PCDH15: variants seen among roughly 807,000 people sequenced by gnomAD.
PCDH15 encodes protocadherin related 15, also known as protocadherin-15.
Under a neutral mutation model 178.5 loss-of-function variants are expected in PCDH15, and 129 were observed. The ratio of observed to expected loss-of-function variants is 0.72; its 90% CI spans 0.63 to 0.84. PCDH15 has a LOEUF of 0.84. Ranked by LOEUF, PCDH15 falls within the 40% of genes least tolerant of loss-of-function variation. The probability of loss-of-function intolerance (pLI) is 0.00; values close to 1 mark genes in which losing one functional copy is unlikely to be tolerated. For missense variants in PCDH15, 2,230 were observed against 2,099.9 expected (o/e 1.06, Z -1.21); for synonymous variants, 800 against 732.0 (o/e 1.09, Z -1.50).
Position 54,090,008 on chromosome 10 carries a change from T to C in PCDH15, c.1973A>G (p.Gln658Arg), listed in dbSNP as rs536457955. The stretch of plus-strand genomic sequence containing the variant: ...CGTTTCTGAAAGATTAAAAACTCTC[T>C]GAGGATCTCCATTCTCAATGGCATA... Reference protein sequence around the residue: ...ITYAIENGDPQRVFNLSETTG... With the variant: ...ITYAIENGDPRRVFNLSETTG... The change falls in exon 16 of 38, where the codon CAG (glutamine) becomes CGG (arginine). Residue 658 changes from glutamine (Q) to arginine (R), a missense_variant. By Grantham distance (43) the Gln-to-Arg change is conservative. Transcript: ENST00000644397. 1.9e-6 allele frequency: 3 copies of C among 1,612,178 alleles called. No individual in the cohort carries two copies. The highest frequency in any genetic ancestry group is 3.3e-5 in the Admixed American group (2 of 59,956).
intron 2 of PCDH15, among the ~76,000 whole-genome samples, chr10:55,420,985 G>T (rs1212807206): frequency 6.6e-6 from 1 of 151,560 alleles, no homozygotes; most frequent in African/African-American, 2.4e-5. Context: ...AAATATAATA[G>T]GCTAGAAACT....
At chr10:54,996,126 C>T (rs1839637648) in intron 2 of PCDH15, among the ~76,000 whole-genome samples, 1 of 152,170 alleles carries the variant, frequency 6.6e-6, no homozygotes, top group African/African-American at 2.4e-5. Context: ...GCTCATGGCT[C>T]AGACTGCAGT....
intron 15 of PCDH15, among the ~76,000 whole-genome samples, chr10:54,114,657 A>C (rs1225720509): frequency 2.0e-5 from 3 of 152,346 alleles, no homozygotes; most frequent in African/African-American, 7.2e-5. Flanking sequence ...GCATGTTGGA[A>C]TATTATTATT....
chr10:54,665,417 C>T (rs1463496513), intron 1 of PCDH15, among the ~76,000 whole-genome samples: 1 of 151,964 alleles, frequency 6.6e-6, no homozygotes, highest in Non-Finnish European at 1.5e-5. Flanking sequence ...GTCTCAAGTT[C>T]TCCAGTTTTC....
intron 1 of PCDH15, among the ~76,000 whole-genome samples, chr10:55,270,163 C>CCT (rs1338441937): frequency 1.3e-5 from 2 of 152,028 alleles, no homozygotes; most frequent in Non-Finnish European, 2.9e-5. Context: ...AAGTGCAAGG[C>CCT]CTCAAATCCT....
rs143051450 is a variant in PCDH15 at position 54,037,540 on chromosome 10, T to C, written c.2221-14343A>G. Among the ~76,000 whole-genome samples, 588 of 102,192 alleles carry C rather than the reference T, an allele frequency of 5.8e-3. 1 individual carries two copies. The highest frequency in any genetic ancestry group is 0.013 in the Middle Eastern group (2 of 152). The allele number at this position is 102,192 out of a possible 152,430, so 67.0% of individuals were successfully genotyped here. On this transcript the variant is annotated intron_variant, in intron 18 of 37. Transcript: ENST00000644397. ...CTTTAATTAAGGTATGGACACTGTT[T>C]TTCAGACACAATGCTAATTGCAGTA...
intron 2 of PCDH15, among the ~76,000 whole-genome samples, chr10:55,592,728 A>T (rs1241034056): frequency 6.6e-6 from 1 of 152,154 alleles, no homozygotes; most frequent in Admixed American, 6.6e-5. Flanking sequence ...CTGACTTGAT[A>T]GGAATTTAGC....
chr10:55,562,458 A>G (rs1442033143), intron 2 of PCDH15, among the ~76,000 whole-genome samples: 1 of 151,974 alleles, frequency 6.6e-6, no homozygotes, highest in African/African-American at 2.4e-5. Context: ...TTTCCAGAAA[A>G]TAAATGTGAG....
chr10:55,154,170 A>G (rs1328331877), intron 2 of PCDH15, among the ~76,000 whole-genome samples: 1 of 152,174 alleles, frequency 6.6e-6, no homozygotes, highest in African/African-American at 2.4e-5. Flanking sequence ...AAATTGTTAA[A>G]GTGAAATCAA....
intron 2 of PCDH15, among the ~76,000 whole-genome samples, chr10:55,158,900 A>G (rs1838976194): frequency 2.0e-5 from 3 of 150,708 alleles, no homozygotes; most frequent in African/African-American, 7.3e-5. Context: ...GAGAGAGAGA[A>G]AAAACAAGAG....
intron 1 of PCDH15, among the ~76,000 whole-genome samples, chr10:54,761,845 CA>C (rs2133150111): frequency 6.6e-6 from 1 of 152,248 alleles, no homozygotes; most frequent in South Asian, 2.1e-4. Flanking sequence ...GCAAGCTTTG[CA>C]GAGGAGCTTT....
chr10:55,223,777 G>A (rs1840950764), intron 1 of PCDH15, among the ~76,000 whole-genome samples: 1 of 152,012 alleles, frequency 6.6e-6, no homozygotes, highest in African/African-American at 2.4e-5. Flanking sequence ...GCTAAACTCT[G>A]GTCTTTAAAA....
chr10:54,763,966 T>C (rs1948213572), intron 1 of PCDH15, among the ~76,000 whole-genome samples: 1 of 151,638 alleles, frequency 6.6e-6, no homozygotes, highest in East Asian at 1.9e-4. Flanking sequence ...ACGTATTAGA[T>C]CTAATTTTTA....
rs538398440 is a variant in PCDH15, at chr10:55,172,231, A to G, written c.-155-5580T>C. On this transcript the variant is annotated intron_variant, in intron 1 of 5. Transcript: ENST00000458638. ...CCTTGACTGACAAAAATGAACACCT[A>G]AACAGAAAAAGAAACTCTTACTCAC... Among the ~76,000 whole-genome samples, 8 of 152,102 alleles carry G rather than the reference A, an allele frequency of 5.3e-5. No individual in the cohort carries two copies. In the East Asian group the frequency reaches 1.5e-3, roughly 29 times the overall value.
intron 36 of PCDH15, 53 bp downstream of exon 36, chr10:53,811,478 AATCATTTAATAATTTCCT>A: frequency 1.1e-6 from 1 of 939,398 alleles, no homozygotes; most frequent in Non-Finnish European, 1.5e-6. Flanking sequence ...TAGTAATAAT[AATCATTTAATAATTTCCT>A]ATTAATAAAA....
chr10:54,840,901 C>T (rs1295889492), intron 3 of PCDH15, among the ~76,000 whole-genome samples: 1 of 151,544 alleles, frequency 6.6e-6, no homozygotes, highest in African/African-American at 2.4e-5. Context: ...TATATATGCA[C>T]CCAACAATAG....
intron 35 of PCDH15, among the ~76,000 whole-genome samples, chr10:53,814,081 T>A (rs2132413966): frequency 6.6e-6 from 1 of 152,302 alleles, no homozygotes; most frequent in East Asian, 1.9e-4. Context: ...CTAAGTACTT[T>A]GTAAAAACGT....
intron 1 of PCDH15, among the ~76,000 whole-genome samples, chr10:55,210,144 G>A (rs1840519856): frequency 6.6e-6 from 1 of 151,104 alleles, no homozygotes. Context: ...ATGAGATCCA[G>A]AAAAAAAATC....
At chr10:54,535,317 A>C (rs985451897) in intron 2 of PCDH15, among the ~76,000 whole-genome samples, 5 of 152,204 alleles carry the variant, frequency 3.3e-5, no homozygotes, top group African/African-American at 4.8e-5. Context: ...TTTAAAAAAA[A>C]CAATTTCTTA....
Sources: allele counts gnomAD v4.1 joint callset (sites outside exome capture counted in the v4.1 genomes callset), GRCh38; gene constraint gnomAD v4.1.1; transcripts MANE v1.5; gene names NCBI Gene and HGNC (gene_info 2026-07-23, HGNC 2026-07-21).